The following DNAH5 variants were observed in gnomAD, a reference collection of about 807,000 sequenced individuals.
DNAH5 encodes the protein axonemal beta dynein heavy chain 5.
Under a neutral mutation model 518.2 loss-of-function variants are expected in DNAH5, and 372 were observed. The observed-to-expected ratio is 0.72, with a 90% CI of 0.66 to 0.78. DNAH5 has a LOEUF of 0.78. DNAH5 is among the 30% of genes least tolerant of loss of function. The pLI, the probability that DNAH5 is intolerant of heterozygous loss-of-function variation, is 0.00. For missense variants in DNAH5, 5,523 were observed against 5,687.0 expected (o/e 0.97, Z 0.93); for synonymous variants, 2,039 against 2,025.9 (o/e 1.01, Z -0.17).
chr5:13,827,443 G>A (rs1445667512), intron 38 of DNAH5, among the ~76,000 whole-genome samples: 1 of 124,556 alleles, frequency 8.0e-6, no homozygotes, highest in Non-Finnish European at 1.7e-5. Flanking sequence ...GTGTAGGCAT[G>A]GGACTTGGTG....
chr5:13,877,109 C>T (rs764322569), intron 21 of DNAH5, among the ~76,000 whole-genome samples: 40 of 152,142 alleles, frequency 2.6e-4, no homozygotes, highest in Non-Finnish European at 4.3e-4. Flanking sequence ...CGCTCTCTGG[C>T]TATAGGGTAG....
intron 41 of DNAH5, 141 bp from the exon 42 acceptor site, chr5:13,817,835 C>G: frequency 1.4e-6 from 1 of 734,450 alleles, no homozygotes; most frequent in Admixed American, 2.7e-5. Context: ...ATATGTCTTA[C>G]TGCATTCTAA....
intron 27 of DNAH5, among the ~76,000 whole-genome samples, chr5:13,865,169 A>G (rs546642415): frequency 1.4e-4 from 22 of 151,844 alleles, no homozygotes; most frequent in Admixed American, 1.2e-3. Context: ...TAATTTTTGT[A>G]TTTTTAATAG....
At chr5:13,822,632 AT>A (rs1162349489) in intron 40 of DNAH5, among the ~76,000 whole-genome samples, 1 of 152,162 alleles carries the variant, frequency 6.6e-6, no homozygotes, top group East Asian at 1.9e-4. Flanking sequence ...TCTATAAAAC[AT>A]TTTTTTCCAA....
At chr5:13,773,796 G>A (rs535609335) in intron 55 of DNAH5, among the ~76,000 whole-genome samples, 17 of 152,254 alleles carry the variant, frequency 1.1e-4, no homozygotes, top group Middle Eastern at 3.4e-3. Flanking sequence ...GGGGGAAACG[G>A]AGGGAAGCAA....
At position 13,842,483 on chromosome 5, in the gene DNAH5, GA is replaced by G. The variant is rs1561407983; in HGVS notation, c.5272-580del. On this transcript the variant is annotated intron_variant, in intron 32 of 78. Coordinates refer to ENST00000265104, the MANE Select transcript of DNAH5 (RefSeq NM_001369.3). Reference sequence around the variant, plus strand: ...AGAAAGAAAGAAAGAAAGAAAGAAAGAGAAAGAAAAGAAAGAAAGAAAGAAA... The same window carrying G: ...AGAAAGAAAGAAAGAAAGAAAGAAAGGAAAGAAAAGAAAGAAAGAAAGAAA... Among the ~76,000 whole-genome samples the G allele has an allele frequency of 1.2e-3, 91 of 78,382 alleles. 14 individuals are homozygous for G. The highest frequency in any genetic ancestry group is 4.1e-3 in the African/African-American group (79 of 19,276). The allele number at this position is 78,382 out of a possible 152,430, so 51.4% of individuals were successfully genotyped here.
chr5:13,693,077 C>G (rs1740915547), intron 78 of DNAH5, among the ~76,000 whole-genome samples: 1 of 152,162 alleles, frequency 6.6e-6, no homozygotes, highest in African/African-American at 2.4e-5. Context: ...ACATGCATCT[C>G]AGGAAATAGT....
Position 13,851,919 on chromosome 5 carries a change from G to A in DNAH5, c.4951-1104C>T, listed in dbSNP as rs186577973. On this transcript the variant is annotated intron_variant, in intron 30 of 78. Transcript: ENST00000265104. ...TGGTCAGACAGTGGGTGCAGCCCAC[G>A]GAGGGCAAGTAGAAGCGGGGTGGGG... Among the ~76,000 whole-genome samples, 45 of 152,040 alleles carry A rather than the reference G, an allele frequency of 3.0e-4. No homozygotes were observed. In the East Asian group the frequency reaches 5.3e-3, roughly 18 times the overall value.
chr5:13,880,236 T>C (rs908272671), intron 21 of DNAH5, among the ~76,000 whole-genome samples: 1 of 152,142 alleles, frequency 6.6e-6, no homozygotes, highest in African/African-American at 2.4e-5. Flanking sequence ...GTATAAACTT[T>C]CTCATACAAA....
rs921019928 is a variant in DNAH5 at position 13,823,265 on chromosome 5, G to A, written c.6685C>T (p.Gln2229Ter). 1 of 1,591,566 alleles carries A rather than the reference G, an allele frequency of 6.3e-7. No homozygotes were observed. Among genetic ancestry groups the A allele is most frequent in the African/African-American group, 1.3e-5 (1 of 74,406 alleles). Residue 2229 changes from glutamine (Q) to a stop codon, truncating the protein, a stop_gained and splice_region_variant, in exon 40 of 79, where the codon CAG (glutamine) becomes TAG (stop). Coordinates refer to ENST00000265104, the MANE Select transcript of DNAH5 (RefSeq NM_001369.3). LOFTEE classifies it high-confidence loss of function. The stretch of plus-strand genomic sequence containing the variant: ...CGTTGCCCTGTGAAGCATATTACCT[G>A]TCTACTAATTGCTGCTTCCAGTTCA... ...YPELEAAISR[Q>*]VEEAGLINHP...
intron 65 of DNAH5, among the ~76,000 whole-genome samples, chr5:13,739,484 A>C (rs555210288): frequency 1.3e-5 from 2 of 152,228 alleles, no homozygotes; most frequent in East Asian, 3.9e-4. Context: ...ACTGTGAGTC[A>C]ATTAAACCTC....
chr5:13,841,770 A>G lies in DNAH5; in HGVS notation c.5406T>C (p.Leu1802=). Residue 1802 remains leucine (L), a synonymous_variant, in exon 33 of 79, where the codon CTT becomes CTC. Coordinates refer to ENST00000265104, the MANE Select transcript of DNAH5 (RefSeq NM_001369.3). ...LLEESQSSLH[L]VIRQAAANIQ... ...TATTTGCGGCTGCCTGGCGAATCAC[A>G]AGATGCAATGAGGACTGAGATTCTT... is the stretch of plus-strand genomic sequence containing the variant. 6.2e-7 allele frequency: 1 copy of G among 1,614,090 alleles called. No individual in the cohort carries two copies. The highest frequency in any genetic ancestry group is 1.3e-5 in the African/African-American group (1 of 75,042).
upstream of DNAH5, among the ~76,000 whole-genome samples, chr5:13,946,750 G>C (rs1460142791): frequency 6.6e-6 from 1 of 152,210 alleles, no homozygotes; most frequent in Non-Finnish European, 1.5e-5. Flanking sequence ...AACAAGAGTA[G>C]ACAATGGACC....
intron 70 of DNAH5, among the ~76,000 whole-genome samples, chr5:13,726,873 G>A (rs942416969): frequency 1.2e-4 from 19 of 152,308 alleles, no homozygotes; most frequent in East Asian, 7.7e-4. Context: ...GAATATCAGC[G>A]TTAAACTTTT....
chr5:13,825,343 CA>C (rs977321278), intron 38 of DNAH5, among the ~76,000 whole-genome samples: 1 of 127,388 alleles, frequency 7.9e-6, no homozygotes, highest in African/African-American at 3.0e-5. Context: ...CTCTGTCTTG[CA>C]AAAAATAAAT....
chr5:13,969,530 A>T (rs1781741834), intron 1 of DNAH5, among the ~76,000 whole-genome samples: 1 of 152,084 alleles, frequency 6.6e-6, no homozygotes, highest in South Asian at 2.1e-4. Context: ...ACTTCAATGA[A>T]TTTTTTAATT....
At chr5:13,813,782 A>T (rs1203137140) in intron 43 of DNAH5, among the ~76,000 whole-genome samples, 1 of 152,214 alleles carries the variant, frequency 6.6e-6, no homozygotes, top group Non-Finnish European at 1.5e-5. Flanking sequence ...GACATTAGTA[A>T]AAAGTTAGGA....
intron 58 of DNAH5, among the ~76,000 whole-genome samples, chr5:13,768,272 C>A (rs1182134801): frequency 6.6e-6 from 1 of 152,124 alleles, no homozygotes; most frequent in East Asian, 1.9e-4. Context: ...CTCAGGAGAT[C>A]TGATGGTTTC....
chr5:13,926,413 C>T (rs1291591610), intron 3 of DNAH5, among the ~76,000 whole-genome samples: 1 of 152,220 alleles, frequency 6.6e-6, no homozygotes, highest in Non-Finnish European at 1.5e-5. Flanking sequence ...TGGCCTCACA[C>T]AGTCAGCCAC....
Sources: allele counts gnomAD v4.1 joint callset (sites outside exome capture counted in the v4.1 genomes callset), GRCh38; gene constraint gnomAD v4.1.1; transcripts MANE v1.5; gene names NCBI Gene and HGNC (gene_info 2026-07-23, HGNC 2026-07-21).